CATSPERT: variants seen among roughly 807,000 people sequenced by gnomAD.
The protein encoded by CATSPERT is catsper channel auxiliary subunit tau.
At chr2:201,601,792 C>A in the CATSPERT span, 8 of 1,612,160 alleles carry the variant, frequency 5.0e-6, no homozygotes, top group Non-Finnish European at 6.8e-6. Flanking sequence ...TTCTTCTCAT[C>A]GTTTTTGGAT....
the CATSPERT span, among the ~76,000 whole-genome samples, chr2:201,564,433 G>GA: frequency 0.48 from 72,798 of 151,774 alleles, 17,897 homozygotes; most frequent in East Asian, 0.75. Context: ...AAAACTAAGA[G>GA]AAAAAAACCA....
the CATSPERT span, among the ~76,000 whole-genome samples, chr2:201,537,988 A>G: frequency 1.3e-5 from 2 of 152,034 alleles, no homozygotes; most frequent in Non-Finnish European, 2.9e-5. Context: ...GGTCACAACT[A>G]CATGACTTCG....
At chr2:201,612,248 G>A in the CATSPERT span, among the ~76,000 whole-genome samples, 1 of 152,030 alleles carries the variant, frequency 6.6e-6, no homozygotes, top group Non-Finnish European at 1.5e-5. Context: ...TCTTTCTCAG[G>A]TATTACCACC....
the CATSPERT span, among the ~76,000 whole-genome samples, chr2:201,567,699 T>C: frequency 6.6e-6 from 1 of 152,214 alleles, no homozygotes; most frequent in South Asian, 2.1e-4. Context: ...TTTTGTTTCA[T>C]TCAACTTGTT....
chr2:201,603,736 T>C, the CATSPERT span, among the ~76,000 whole-genome samples: 1 of 152,350 alleles, frequency 6.6e-6, no homozygotes, highest in African/African-American at 2.4e-5. Context: ...AAAATATTCA[T>C]GCTCTTGCAC....
At chr2:201,544,295 T>C in the CATSPERT span, among the ~76,000 whole-genome samples, 8 of 152,178 alleles carry the variant, frequency 5.3e-5, no homozygotes, top group African/African-American at 1.7e-4. Context: ...TCTTTGCTAT[T>C]GTGAATAGTG....
At chr2:201,531,523 T>C in the CATSPERT span, among the ~76,000 whole-genome samples, 813 of 152,146 alleles carry the variant, frequency 5.3e-3, 3 homozygotes, top group Admixed American at 9.4e-3. Flanking sequence ...GGAAATGATA[T>C]ATGAAGAAAG....
At chr2:201,574,331 G>A in the CATSPERT span, 1 of 1,410,260 alleles carries the variant, frequency 7.1e-7, no homozygotes, top group Non-Finnish European at 9.7e-7. Context: ...TAATGGAGAA[G>A]GGACAAAAAG....
the CATSPERT span, among the ~76,000 whole-genome samples, chr2:201,539,032 TA>T: frequency 2.0e-5 from 3 of 152,214 alleles, no homozygotes; most frequent in Admixed American, 6.5e-5. Context: ...TTCTATGGTG[TA>T]TATGTACTAC....
At chr2:201,557,335 T>C in the CATSPERT span, 1 of 152,244 alleles carries the variant, frequency 6.6e-6, no homozygotes, top group African/African-American at 2.4e-5. Flanking sequence ...TTTTTACTTA[T>C]CAAATGATGA....
chr2:201,604,977 G>A, the CATSPERT span, among the ~76,000 whole-genome samples: 1 of 152,080 alleles, frequency 6.6e-6, no homozygotes, highest in Middle Eastern at 3.4e-3. Context: ...ATCTTGAAAA[G>A]CTTATAAAGA....
the CATSPERT span, among the ~76,000 whole-genome samples, chr2:201,617,900 A>G: frequency 6.6e-6 from 1 of 152,252 alleles, no homozygotes. Context: ...TGGGCAAAGT[A>G]TATGAACAGA....
the CATSPERT span, chr2:201,575,367 T>C: frequency 6.7e-6 from 10 of 1,489,466 alleles, no homozygotes; most frequent in Admixed American, 5.9e-5. Context: ...GAATTACCCA[T>C]GTATTTCCCT....
At chr2:201,596,864 C>G in the CATSPERT span, among the ~76,000 whole-genome samples, 1 of 152,174 alleles carries the variant, frequency 6.6e-6, no homozygotes, top group Non-Finnish European at 1.5e-5. Context: ...TCCCATTTTG[C>G]CCACCATTTG....
At chr2:201,587,248 A>C in the CATSPERT span, among the ~76,000 whole-genome samples, 2 of 152,002 alleles carry the variant, frequency 1.3e-5, no homozygotes, top group African/African-American at 2.4e-5. Context: ...CTTTTGGATA[A>C]ATTTTTTTAA....
At chr2:201,574,464 A>C in the CATSPERT span, among the ~76,000 whole-genome samples, 6 of 152,240 alleles carry the variant, frequency 3.9e-5, no homozygotes, top group African/African-American at 1.2e-4. Flanking sequence ...GAAATGTTAA[A>C]ACCCTTTATG....
the CATSPERT span, chr2:201,554,021 G>A: frequency 6.6e-6 from 1 of 152,150 alleles, no homozygotes; most frequent in Non-Finnish European, 1.5e-5. Flanking sequence ...GGACTAGAAT[G>A]AGTGACTTAA....
chr2:201,563,174 C>A, the CATSPERT span, among the ~76,000 whole-genome samples: 2 of 114,170 alleles, frequency 1.8e-5, no homozygotes, highest in Non-Finnish European at 3.7e-5. Context: ...CCGGACGGGG[C>A]GGCTGGCCGG....
chr2:201,572,547 A>C, the CATSPERT span, among the ~76,000 whole-genome samples: 2 of 152,212 alleles, frequency 1.3e-5, no homozygotes, highest in Non-Finnish European at 1.5e-5. Context: ...TACATAAAAT[A>C]ATACTTGCCC....
Sources: gnomAD v4.1 joint callset for allele counts (sites outside exome capture counted in the v4.1 genomes callset) on GRCh38, gnomAD v4.1.1 for gene constraint, MANE v1.5 for transcripts, NCBI Gene and HGNC (gene_info 2026-07-23, HGNC 2026-07-21) for gene names.